GALNTL6: variants seen among roughly 807,000 people sequenced by gnomAD.
The protein encoded by GALNTL6 is polypeptide N-acetylgalactosaminyltransferase like 6.
GALNTL6 carries 46 observed loss-of-function variants against 73.7 expected under a neutral mutation model. The ratio of observed to expected loss-of-function variants is 0.62; its 90% CI spans 0.49 to 0.80. The LOEUF is 0.80. GALNTL6 is among the 30% of genes least tolerant of loss of function. GALNTL6 has a pLI of 0.00. For missense variants in GALNTL6, 604 were observed against 755.0 expected (o/e 0.80, Z 2.34); for synonymous variants, 259 against 263.7 (o/e 0.98, Z 0.17).
At chr4:172,501,158 T>C (rs571911739) in intron 5 of GALNTL6, among the ~76,000 whole-genome samples, 3 of 152,326 alleles carry the variant, frequency 2.0e-5, no homozygotes, top group African/African-American at 7.2e-5. Context: ...AACAATGTGA[T>C]TTCCTGACTG....
chr4:172,387,070 G>A (rs1231757933), intron 5 of GALNTL6, among the ~76,000 whole-genome samples: 3 of 152,098 alleles, frequency 2.0e-5, no homozygotes, highest in Non-Finnish European at 4.4e-5. Context: ...CAAAATTAAT[G>A]ATCACAGGTA....
intron 5 of GALNTL6, among the ~76,000 whole-genome samples, chr4:172,512,899 C>T (rs532668099): frequency 3.0e-4 from 45 of 152,150 alleles, no homozygotes; most frequent in African/African-American, 1.0e-3. Context: ...CTTTCATCTT[C>T]ATTTTAGTTA....
intron 5 of GALNTL6, among the ~76,000 whole-genome samples, chr4:172,355,438 T>G (rs1028993734): frequency 6.6e-6 from 1 of 152,062 alleles, no homozygotes; most frequent in Admixed American, 6.6e-5. Flanking sequence ...TGTGATAAAA[T>G]GAAGTGATGG....
intron 5 of GALNTL6, among the ~76,000 whole-genome samples, chr4:172,367,107 A>C (rs1276455019): frequency 3.3e-5 from 5 of 152,212 alleles, no homozygotes; most frequent in Non-Finnish European, 7.3e-5. Context: ...GAGTGTAAGC[A>C]GATAGGCATG....
At chr4:172,772,596 C>T (rs1738837394) in intron 5 of GALNTL6, among the ~76,000 whole-genome samples, 1 of 152,094 alleles carries the variant, frequency 6.6e-6, no homozygotes, top group South Asian at 2.1e-4. Flanking sequence ...GTTTATCTAT[C>T]CTTCACCAGG....
chr4:172,600,144 A>G (rs1738001553), intron 5 of GALNTL6, among the ~76,000 whole-genome samples: 1 of 152,164 alleles, frequency 6.6e-6, no homozygotes, highest in African/African-American at 2.4e-5. Context: ...ATAATGGGGA[A>G]TAGCAAATAG....
chr4:172,584,745 G>T (rs1050286691), intron 5 of GALNTL6, among the ~76,000 whole-genome samples: 2 of 152,208 alleles, frequency 1.3e-5, no homozygotes, highest in African/African-American at 4.8e-5. Flanking sequence ...TCCAAGTACA[G>T]TCTGTAGCTG....
chr4:172,950,578 G>A (rs766628172), intron 9 of GALNTL6, among the ~76,000 whole-genome samples: 6 of 152,186 alleles, frequency 3.9e-5, no homozygotes, highest in South Asian at 2.1e-4. Context: ...CTGAACACAC[G>A]GAGTGGATGG....
At chr4:172,650,907 A>G (rs1263026611) in intron 5 of GALNTL6, among the ~76,000 whole-genome samples, 1 of 152,250 alleles carries the variant, frequency 6.6e-6, no homozygotes, top group Admixed American at 6.5e-5. Flanking sequence ...GTAAGAAAGC[A>G]TGATATCATA....
At chr4:172,846,448 A>G (rs1743511132) in intron 7 of GALNTL6, among the ~76,000 whole-genome samples, 1 of 152,182 alleles carries the variant, frequency 6.6e-6, no homozygotes, top group Non-Finnish European at 1.5e-5. Flanking sequence ...ACAGAACATA[A>G]CCATATGCCT....
At chr4:172,837,470 TATAA>T (rs1301860421) in intron 7 of GALNTL6, among the ~76,000 whole-genome samples, 2 of 152,164 alleles carry the variant, frequency 1.3e-5, no homozygotes, top group African/African-American at 4.8e-5. Flanking sequence ...TGAACAAATG[TATAA>T]ATAAGAGTCT....
At chr4:172,399,021 A>G (rs987870352) in intron 5 of GALNTL6, among the ~76,000 whole-genome samples, 6 of 152,134 alleles carry the variant, frequency 3.9e-5, no homozygotes, top group Admixed American at 6.6e-5. Flanking sequence ...TCTATATTTT[A>G]TTTAAACATT....
chr4:173,034,417 C>G (rs1753599847), intron 12 of GALNTL6, among the ~76,000 whole-genome samples: 1 of 152,196 alleles, frequency 6.6e-6, no homozygotes, highest in African/African-American at 2.4e-5. Flanking sequence ...CTGCCTACCT[C>G]TTGGATATCC....
intron 10 of GALNTL6, among the ~76,000 whole-genome samples, chr4:172,974,225 A>G (rs988502831): frequency 6.6e-6 from 1 of 152,176 alleles, no homozygotes; most frequent in Non-Finnish European, 1.5e-5. Flanking sequence ...TATTTAGGAT[A>G]TGTATTTGTT....
chr4:172,413,799 T>G (rs1744528945), intron 5 of GALNTL6, among the ~76,000 whole-genome samples: 1 of 152,134 alleles, frequency 6.6e-6, no homozygotes, highest in South Asian at 2.1e-4. Context: ...CATAGGTTTG[T>G]TTGACACATC....
chr4:172,413,701 C>T (rs1445831222), intron 5 of GALNTL6, among the ~76,000 whole-genome samples: 2 of 148,276 alleles, frequency 1.3e-5, no homozygotes, highest in Non-Finnish European at 1.5e-5. Flanking sequence ...ATAACATTCT[C>T]ATCCTTGTAG....
rs538464688 is a variant in GALNTL6, at chr4:172,912,446, C to G, written c.1042-18715C>G. 3.5e-4 allele frequency among the ~76,000 whole-genome samples: 54 copies of G among 152,328 alleles called. 1 individual carries two copies. The highest frequency in any genetic ancestry group is 1.2e-3 in the African/African-American group (50 of 41,568). ...ACCTCACCTGGGAAGTGCAAGAGGT[C>G]AGGGAATTCCCTTTCCTAGACAAGG... On this transcript the variant is annotated intron_variant, in intron 8 of 12. Transcript: ENST00000506823.
chr4:172,260,737 G>A (rs978690827), intron 3 of GALNTL6, among the ~76,000 whole-genome samples: 2 of 151,450 alleles, frequency 1.3e-5, no homozygotes, highest in South Asian at 4.1e-4. Context: ...GTTGGCCATG[G>A]GTTTGTCTTA....
intron 5 of GALNTL6, among the ~76,000 whole-genome samples, chr4:172,712,988 T>C (rs1411651623): frequency 6.6e-6 from 1 of 152,110 alleles, no homozygotes; most frequent in Non-Finnish European, 1.5e-5. Flanking sequence ...AAAATATCTA[T>C]TAGACTGGGA....
Sources: allele counts gnomAD v4.1 joint callset (sites outside exome capture counted in the v4.1 genomes callset), GRCh38; gene constraint gnomAD v4.1.1; transcripts MANE v1.5; gene names NCBI Gene and HGNC (gene_info 2026-07-23, HGNC 2026-07-21).